UGT2B10: variants seen among roughly 807,000 people sequenced by gnomAD.
The protein encoded by UGT2B10 is UDP glucuronosyltransferase family 2 member B10.
Under a neutral mutation model 43.7 loss-of-function variants are expected in UGT2B10, and 51 were observed. That is an observed-to-expected ratio of 1.17 (90% CI 0.93 to 1.47). The LOEUF is 1.47. Ranked by LOEUF, UGT2B10 falls within the 40% of genes most tolerant of loss-of-function variation. The pLI, the probability that UGT2B10 is intolerant of heterozygous loss-of-function variation, is 0.00. For missense variants in UGT2B10, 696 were observed against 617.7 expected (o/e 1.13, Z -1.34); for synonymous variants, 225 against 209.0 (o/e 1.08, Z -0.66).
chr4:68,829,892 G>C (rs1338118947), intron 5 of UGT2B10, among the ~76,000 whole-genome samples: 1 of 151,960 alleles, frequency 6.6e-6, no homozygotes, highest in African/African-American at 2.4e-5. Context: ...ATAATGAGAA[G>C]CCAGGCAAAA....
rs752892856 is a variant in UGT2B10, at chr4:68,816,274, T to A, written c.255T>A (p.Phe85Leu). The A allele has an allele frequency of 6.2e-7, 1 of 1,613,146 alleles. No individual in the cohort carries two copies. Among genetic ancestry groups the A allele is most frequent in the South Asian group, 1.1e-5 (1 of 91,048 alleles). ...CTACATCTTTAACTAAAACTGAATT[T>A]GAGAATATCATCATGCAATTGGTTA... The part of the protein sequence containing the change: ...VYPTSLTKTE[F>L]ENIIMQLVKR... Residue 85 changes from phenylalanine (F) to leucine (L), a missense_variant, in exon 1 of 6, where the codon TTT becomes TTA. By Grantham distance (22) the Phe-to-Leu change is conservative. Coordinates refer to ENST00000265403, the MANE Select transcript of UGT2B10 (RefSeq NM_001075.6).
Position 68,830,168 on chromosome 4 carries a change from T to G in UGT2B10, c.1308-432T>G, listed in dbSNP as rs141570585. On this transcript the variant is annotated intron_variant, in intron 5 of 5. Transcript: ENST00000265403. ...GCCTGTTTTAGAACTAATAGTGTAA[T>G]GTGGAATGTGTTCATAATACAAAGG... Among the ~76,000 whole-genome samples the G allele has an allele frequency of 9.8e-3, 1,488 of 152,208 alleles. 94 individuals carry two copies. The East Asian group carries it at 0.18, about 18-fold the overall frequency.
Position 68,831,738 on chromosome 4 carries a change from T to C in UGT2B10, c.*859T>C, listed in dbSNP as rs146732640. ...TTTTCTTGGTCTTAACTACCCATTA[T>C]ATGCTTTGTTAAAGTGTTTATGCCC... On this transcript the variant is annotated 3_prime_UTR_variant, in exon 6 of 6. Transcript: ENST00000265403. 3.3e-3 allele frequency among the ~76,000 whole-genome samples: 504 copies of C among 152,238 alleles called. 4 individuals are homozygous for C. The highest frequency in any genetic ancestry group is 0.012 in the African/African-American group (480 of 41,574).
In UGT2B10 at chr4:68,816,661, C is replaced by G. The variant is rs1275534003; in HGVS notation, c.642C>G (p.Leu214=). ...MTFMERVKNM[L]YVLYFDFWFQ... is the part of the protein sequence containing the mutation. Reference sequence around the variant, plus strand: ...TCATGGAGAGGGTAAAAAATATGCTCTATGTGCTTTATTTTGACTTTTGGT... The same window carrying G: ...TCATGGAGAGGGTAAAAAATATGCTGTATGTGCTTTATTTTGACTTTTGGT... Residue 214 remains leucine (L), a synonymous_variant, in exon 1 of 6, where the codon CTC becomes CTG. Transcript: ENST00000265403. 1 of 1,612,214 alleles carries G rather than the reference C, an allele frequency of 6.2e-7. No individual in the cohort carries two copies. Among genetic ancestry groups the G allele is most frequent in the Non-Finnish European group, 8.5e-7 (1 of 1,179,030 alleles).
intron 3 of UGT2B10, among the ~76,000 whole-genome samples, 175 bp from the exon 4 acceptor site, chr4:68,826,235 C>T (rs1232805898): frequency 2.6e-5 from 4 of 151,954 alleles, no homozygotes; most frequent in East Asian, 1.9e-4. Context: ...TTCTTATATA[C>T]CTAAATCATT....
intron 5 of UGT2B10, among the ~76,000 whole-genome samples, chr4:68,829,402 T>C (rs1578275332): frequency 6.6e-6 from 1 of 152,048 alleles, no homozygotes; most frequent in Admixed American, 6.6e-5. Flanking sequence ...AATAGGTAAA[T>C]TGGTATTTTT....
In UGT2B10 at chr4:68,821,651, C is replaced by A. The variant is rs150006446; in HGVS notation, c.868-620C>A. Among the ~76,000 whole-genome samples, 9 of 152,112 alleles carry A rather than the reference C, an allele frequency of 5.9e-5. 1 individual carries two copies. The highest frequency in any genetic ancestry group is 7.4e-5 in the Non-Finnish European group (5 of 68,014). ...TCCAGAATGTCAGTGATTCTTAACCCCCAGCTTTTATTTTTTATTTTATTT... is the reference window on the plus strand; with the variant it reads ...TCCAGAATGTCAGTGATTCTTAACCACCAGCTTTTATTTTTTATTTTATTT... On this transcript the variant is annotated intron_variant, in intron 2 of 5. Coordinates refer to ENST00000265403, the MANE Select transcript of UGT2B10 (RefSeq NM_001075.6).
At chr4:68,822,490 G>A in intron 3 of UGT2B10, 88 bp downstream of exon 3, 1 of 1,598,066 alleles carries the variant, frequency 6.3e-7, no homozygotes, top group Non-Finnish European at 8.5e-7. Context: ...TTAAAGAGTA[G>A]ACTGAACTAT....
At chr4:68,829,081 A>G (rs1737945447) in intron 5 of UGT2B10, among the ~76,000 whole-genome samples, 1 of 152,062 alleles carries the variant, frequency 6.6e-6, no homozygotes, top group South Asian at 2.1e-4. Context: ...TGGTCATGAC[A>G]GAATTATCAA....
At chr4:68,816,790 A>G (rs1243676895) in intron 1 of UGT2B10, 53 bp downstream of exon 1, 1 of 1,423,756 alleles carries the variant, frequency 7.0e-7, no homozygotes, top group East Asian at 2.3e-5. Flanking sequence ...TGTGTCTTTG[A>G]AGCACAACTT....
At chr4:68,821,365 T>C (rs780540018) in intron 2 of UGT2B10, among the ~76,000 whole-genome samples, 1 of 152,148 alleles carries the variant, frequency 6.6e-6, no homozygotes, top group African/African-American at 2.4e-5. Context: ...AAGATCCCCC[T>C]GAAGAAAGGC....
intron 3 of UGT2B10, 91 bp from the exon 4 acceptor site, chr4:68,826,319 C>T (rs935495614): frequency 2.9e-6 from 4 of 1,384,622 alleles, no homozygotes; most frequent in East Asian, 2.4e-5. Context: ...ACTAACATCC[C>T]TTGATTTCAT....
intron 5 of UGT2B10, among the ~76,000 whole-genome samples, chr4:68,830,341 C>T (rs1285686903): frequency 6.6e-6 from 1 of 150,580 alleles, no homozygotes; most frequent in Non-Finnish European, 1.5e-5. Context: ...ATTAAAAATG[C>T]CTGATACTTT....
At position 68,816,744 on chromosome 4, in the gene UGT2B10, T is replaced by A; in HGVS notation, c.718+7T>A. On this transcript the variant is annotated splice_region_variant and intron_variant, in intron 1 of 5. Transcript: ENST00000265403. ...TTTTACAGTGAAGTTTTAGGTAAGA[T>A]TTTTTTCAATTAGTAACATGAAGCT... 4 of 1,575,206 alleles carry A rather than the reference T, an allele frequency of 2.5e-6. No individual in the cohort carries two copies. Among genetic ancestry groups the A allele is most frequent in the South Asian group, 1.2e-5 (1 of 84,950 alleles).
intron 5 of UGT2B10, among the ~76,000 whole-genome samples, chr4:68,828,659 A>C: frequency 6.6e-6 from 1 of 152,054 alleles, no homozygotes; most frequent in East Asian, 1.9e-4. Flanking sequence ...TTTGAAGAAC[A>C]CAATTAACAA....
At position 68,816,046 on chromosome 4, in the gene UGT2B10, G is replaced by T. The variant is rs770181510; in HGVS notation, c.27G>T (p.Leu9=). The change falls in exon 1 of 6, where the codon CTG becomes CTT. Residue 9 remains leucine, a synonymous_variant. Coordinates refer to ENST00000265403, the MANE Select transcript of UGT2B10 (RefSeq NM_001075.6). Reference sequence around the variant, plus strand: ...TGGCTCTGAAATGGACTACAGTTCTGCTGATACAACTCAGTTTTTACTTTA... The same window carrying T: ...TGGCTCTGAAATGGACTACAGTTCTTCTGATACAACTCAGTTTTTACTTTA... MALKWTTV[L]LIQLSFYFSS... The T allele has an allele frequency of 1.2e-6, 2 of 1,612,876 alleles. No homozygotes were observed. Among genetic ancestry groups the T allele is most frequent in the South Asian group, 1.1e-5 (1 of 91,050 alleles).
At chr4:68,828,733 G>A (rs552841425) in intron 5 of UGT2B10, among the ~76,000 whole-genome samples, 11 of 151,960 alleles carry the variant, frequency 7.2e-5, no homozygotes, top group South Asian at 2.1e-4. Flanking sequence ...TATATGTATC[G>A]TATATATCAA....
chr4:68,816,038 A>T lies in UGT2B10; in HGVS notation c.19A>T (p.Thr7Ser), dbSNP rs1737171901. The T allele has an allele frequency of 1.9e-6, 3 of 1,612,538 alleles. No individual in the cohort carries two copies. Among genetic ancestry groups the T allele is most frequent in the Non-Finnish European group, 2.5e-6 (3 of 1,179,140 alleles). The change falls in exon 1 of 6, where the codon ACA (threonine) becomes TCA (serine). Residue 7 changes from threonine (T) to serine (S), a missense_variant. Transcript: ENST00000265403. MALKWT[T>S]VLLIQLSFYF... is the part of the protein sequence containing the mutation. ...CACAAGGATGGCTCTGAAATGGACTACAGTTCTGCTGATACAACTCAGTTT... is the reference window on the plus strand; with the variant it reads ...CACAAGGATGGCTCTGAAATGGACTTCAGTTCTGCTGATACAACTCAGTTT...
chr4:68,816,444 C>G lies in UGT2B10; in HGVS notation c.425C>G (p.Ser142Ter), dbSNP rs763002330. The G allele has an allele frequency of 5.6e-6, 9 of 1,612,968 alleles. No homozygotes were observed. In the Admixed American group the frequency reaches 1.0e-4, roughly 18 times the overall value. Residue 142 changes from serine to a stop codon, truncating the protein, a stop_gained, in exon 1 of 6, where the codon TCA becomes TGA. Transcript: ENST00000265403. LOFTEE classifies it high-confidence loss of function. ...AAACTTATGAAAAAACTACAAGAGT[C>G]AAGATTTGACATCGTTTTTGCAGAT... The part of the protein sequence containing the change: ...NKKLMKKLQE[S>*]RFDIVFADAY...
Sources: allele counts gnomAD v4.1 joint callset (sites outside exome capture counted in the v4.1 genomes callset), GRCh38; gene constraint gnomAD v4.1.1; transcripts MANE v1.5; gene names NCBI Gene and HGNC (gene_info 2026-07-23, HGNC 2026-07-21).